ZBTB10: variants seen among roughly 807,000 people sequenced by gnomAD.
The protein encoded by ZBTB10 is zinc finger and BTB domain containing 10, also known as zinc finger and BTB domain-containing protein 10.
A neutral mutation model predicts 76.4 loss-of-function variants in ZBTB10; 32 were observed. The observed-to-expected ratio is 0.42, with a 90% confidence interval of 0.32 to 0.56. The LOEUF is 0.56. Ranked by LOEUF, ZBTB10 falls within the 20% of genes least tolerant of loss-of-function variation. ZBTB10 has a pLI of 0.14. For missense variants in ZBTB10, 1,057 were observed against 1,098.5 expected, an observed-to-expected ratio of 0.96 and a Z score of 0.53; for synonymous variants, 523 against 432.9, an observed-to-expected ratio of 1.21 and a Z score of -2.58.
At chr8:80,505,327 A>G (rs1198614449) in intron 2 of ZBTB10, among the ~76,000 whole-genome samples, 1 of 152,212 alleles carries the variant, frequency 6.6e-6, no homozygotes, top group Non-Finnish European at 1.5e-5. Flanking sequence ...TATGTAGTTG[A>G]CACCAAGTAA....
rs1816460894 is a variant in ZBTB10 at position 80,522,121 on chromosome 8, G to C, written c.*2593G>C. 1 of 151,666 alleles carries C rather than the reference G, an allele frequency of 6.6e-6. No individual in the cohort carries two copies. The highest frequency in any genetic ancestry group is 6.6e-5 in the Admixed American group (1 of 15,206). 9.4% of individuals were successfully genotyped at this position (151,666 alleles called of 1,614,324 possible). On this transcript the variant is annotated 3_prime_UTR_variant, in exon 6 of 6. Coordinates refer to ENST00000455036, the MANE Select transcript of ZBTB10 (RefSeq NM_001105539.3). ...TCGAGGGACTGCCTTTTCCCATCTA[G>C]ATCTTTTAAAAAAATAGTTTTAGTA...
chr8:80,498,764 A>T (rs1472382170), intron 1 of ZBTB10, among the ~76,000 whole-genome samples: 1 of 152,246 alleles, frequency 6.6e-6, no homozygotes, highest in East Asian at 1.9e-4. Flanking sequence ...GCCAAGTAGA[A>T]CTATAATGAA....
chr8:80,497,295 A>G (rs1488737981), intron 1 of ZBTB10, among the ~76,000 whole-genome samples: 1 of 152,158 alleles, frequency 6.6e-6, no homozygotes, highest in Non-Finnish European at 1.5e-5. Context: ...TAGGTTAAAT[A>G]AGTCTCATTA....
rs765102856 is a variant in ZBTB10 at position 80,524,578 on chromosome 8, C to A, written c.*5050C>A. 1 of 151,994 alleles carries A rather than the reference C, an allele frequency of 6.6e-6. No homozygotes were observed. Among genetic ancestry groups the A allele is most frequent in the Admixed American group, 6.6e-5 (1 of 15,226 alleles). The allele number at this position is 151,994 out of a possible 1,614,324, so 9.4% of individuals were successfully genotyped here. A position where few individuals can be genotyped will look rare whatever the true frequency, so the allele number is the denominator to read the frequency against. ...AAGTTAGTAATAGAGCAAAGGAAAT[C>A]AGAACTGGCCAGATATTCAGACTTG... On this transcript the variant is annotated 3_prime_UTR_variant, in exon 6 of 6. Transcript: ENST00000455036.
intron 1 of ZBTB10, among the ~76,000 whole-genome samples, chr8:80,495,763 G>A (rs1012895311): frequency 1.5e-4 from 23 of 151,992 alleles, no homozygotes; most frequent in African/African-American, 5.6e-4. Flanking sequence ...CCTATGTTCT[G>A]GAAATATTGA....
At position 80,499,939 on chromosome 8, in the gene ZBTB10, A is replaced by G; in HGVS notation, c.1418A>G (p.Glu473Gly). The stretch of plus-strand genomic sequence containing the variant: ...ATAAGCATTAAATCAGAAGCTCCAG[A>G]GTCTGTAGTTGTGGACTATAATAAT... Reference protein sequence around the residue: ...LNISIKSEAPESVVVDYNNRK... With the variant: ...LNISIKSEAPGSVVVDYNNRK... Residue 473 changes from glutamate (E) to glycine (G), a missense_variant, in exon 2 of 6, where the codon GAG (glutamate) becomes GGG (glycine). Physicochemically the swap from Glu to Gly is moderately conservative, Grantham distance 98. This residue lies in a region of ZBTB10 where 306 missense variants were observed against 297.5 expected (regional missense o/e 1.03). Coordinates refer to ENST00000455036, the MANE Select transcript of ZBTB10 (RefSeq NM_001105539.3). 1 of 1,613,948 alleles carries G rather than the reference A, an allele frequency of 6.2e-7. No homozygotes were observed. The highest frequency in any genetic ancestry group is 8.5e-7 in the Non-Finnish European group (1 of 1,179,878).
chr8:80,513,329 G>A (rs1186955648), intron 2 of ZBTB10, among the ~76,000 whole-genome samples: 1 of 151,990 alleles, frequency 6.6e-6, no homozygotes, highest in Non-Finnish European at 1.5e-5. Context: ...TTTTTGTAGA[G>A]GTGTGGTTTT....
rs552059193 is a variant in ZBTB10, at chr8:80,486,453, C to T, written c.-358C>T. ...AAAGAGGGGGCAGCGGAGGGTCTCC[C>T]CGCACTCCGCTGCTCAACTTCGAAG... On this transcript the variant is annotated 5_prime_UTR_variant, in exon 1 of 6. Coordinates refer to ENST00000455036, the MANE Select transcript of ZBTB10 (RefSeq NM_001105539.3). 49 of 985,034 alleles carry T rather than the reference C, an allele frequency of 5.0e-5. No homozygotes were observed. The South Asian group carries it at 1.3e-3, about 25-fold the overall frequency. The allele number at this position is 985,034 out of a possible 1,614,324, so 61.0% of individuals were successfully genotyped here. A position where few individuals can be genotyped will look rare whatever the true frequency, so the allele number is the denominator to read the frequency against.
In ZBTB10 at chr8:80,519,415, G is replaced by T; in HGVS notation, c.2503G>T (p.Glu835Ter). 6.2e-7 allele frequency: 1 copy of T among 1,612,720 alleles called. No individual in the cohort carries two copies. The highest frequency in any genetic ancestry group is 8.5e-7 in the Non-Finnish European group (1 of 1,179,420). Residue 835 changes from glutamate to a stop codon, truncating the protein, a stop_gained, in exon 6 of 6, where the codon GAG becomes TAG. Coordinates refer to ENST00000455036, the MANE Select transcript of ZBTB10 (RefSeq NM_001105539.3). LOFTEE classifies it high-confidence loss of function. ...AGAATTCCCTCGGGATGAAGAATAC[G>T]AGGAGAATGAAGTAGGAGAAGCTGA... The part of the protein sequence containing the change: ...DTEFPRDEEY[E>*]ENEVGEADEE...
At position 80,487,095 on chromosome 8, in the gene ZBTB10, G is replaced by T; in HGVS notation, c.285G>T (p.Leu95=). 6.6e-7 allele frequency: 1 copy of T among 1,519,164 alleles called. No individual in the cohort carries two copies. The allele number at this position is 1,519,164 out of a possible 1,614,324, so 94.1% of individuals were successfully genotyped here. Residue 95 remains leucine (L), a synonymous_variant, in exon 1 of 6, where the codon CTG becomes CTT. Coordinates refer to ENST00000455036, the MANE Select transcript of ZBTB10 (RefSeq NM_001105539.3). ...AGAAEEAKEL[L]LPQDAGGPTS... Reference sequence around the variant, plus strand: ...CCGCCGAGGAAGCCAAGGAGTTGCTGCTCCCCCAAGACGCGGGCGGCCCCA... The same window carrying T: ...CCGCCGAGGAAGCCAAGGAGTTGCTTCTCCCCCAAGACGCGGGCGGCCCCA...
intron 1 of ZBTB10, among the ~76,000 whole-genome samples, chr8:80,488,874 ACTTAC>A (rs1158258199): frequency 6.6e-6 from 1 of 152,158 alleles, no homozygotes; most frequent in Non-Finnish European, 1.5e-5. Flanking sequence ...CGTTCAGCAC[ACTTAC>A]CCTGGGGTTA....
Position 80,500,103 on chromosome 8 carries a change from A to G in ZBTB10, c.1582A>G (p.Ile528Val), listed in dbSNP as rs1815884314. ...NDGCNVDEGQ[I>V]ENYQMNDSSW... ...TGGTTGTAATGTCGACGAGGGCCAA[A>G]TAGAAAACTACCAAATGAATGACAG... is the stretch of plus-strand genomic sequence containing the variant. The change falls in exon 2 of 6, where the codon ATA becomes GTA. Residue 528 changes from isoleucine (I) to valine (V), a missense_variant. Physicochemically the swap from Ile to Val is conservative, Grantham distance 29. Coordinates refer to ENST00000455036, the MANE Select transcript of ZBTB10 (RefSeq NM_001105539.3). The G allele has an allele frequency of 6.2e-7, 1 of 1,613,882 alleles. No individual in the cohort carries two copies.
In ZBTB10 at chr8:80,486,378, G is replaced by C; in HGVS notation, c.-433G>C. 3 of 990,914 alleles carry C rather than the reference G, an allele frequency of 3.0e-6. No homozygotes were observed. Among genetic ancestry groups the C allele is most frequent in the Non-Finnish European group, 3.6e-6 (3 of 834,290 alleles). The allele number at this position is 990,914 out of a possible 1,614,324, so 61.4% of individuals were successfully genotyped here. A position where few individuals can be genotyped will look rare whatever the true frequency, so the allele number is the denominator to read the frequency against. ...CGGCGGCGTCGGGACTCCTCGGCGC[G>C]CGGAGGAAGGATATCTGTGTGGAGG... On this transcript the variant is annotated 5_prime_UTR_variant, in exon 1 of 6. Coordinates refer to ENST00000455036, the MANE Select transcript of ZBTB10 (RefSeq NM_001105539.3).
chr8:80,497,114 G>A lies in ZBTB10; in HGVS notation c.973-2380G>A, dbSNP rs527913849. Among the ~76,000 whole-genome samples, 18 of 152,294 alleles carry A rather than the reference G, an allele frequency of 1.2e-4. No homozygotes were observed. In the East Asian group the frequency reaches 3.5e-3, roughly 29 times the overall value. On this transcript the variant is annotated intron_variant, in intron 1 of 5. Coordinates refer to ENST00000455036, the MANE Select transcript of ZBTB10 (RefSeq NM_001105539.3). ...TTTTGTGGAAAGTTACACTGTCCAA[G>A]TAATTGTTACAGGTGTTTTTAGTAT...
intron 2 of ZBTB10, among the ~76,000 whole-genome samples, chr8:80,513,038 C>T (rs998325685): frequency 1.3e-5 from 2 of 152,070 alleles, no homozygotes; most frequent in African/African-American, 4.8e-5. Context: ...TTTTTTGTAA[C>T]TCATTAAATG....
At position 80,487,240 on chromosome 8, in the gene ZBTB10, G is replaced by C; in HGVS notation, c.430G>C (p.Glu144Gln). The change falls in exon 1 of 6, where the codon GAG (glutamate) becomes CAG (glutamine). Residue 144 changes from glutamate to glutamine, a missense_variant. Glu to Gln is a conservative substitution (Grantham distance 29). This residue lies in a region of ZBTB10 where 556 missense variants were observed against 451.7 expected (regional missense o/e 1.23). Transcript: ENST00000455036. ...CAATGGCAGTAGCCGCGGCCGCCCC[G>C]AGACCTCGGTGTGGCCCTTGAGGCA... The part of the protein sequence containing the change: ...GNNGSSRGRP[E>Q]TSVWPLRHFN... 6.5e-7 allele frequency: 1 copy of C among 1,549,082 alleles called. No homozygotes were observed. Among genetic ancestry groups the C allele is most frequent in the South Asian group, 1.2e-5 (1 of 84,188 alleles).
At chr8:80,508,405 T>C (rs981744930) in intron 2 of ZBTB10, among the ~76,000 whole-genome samples, 1 of 152,210 alleles carries the variant, frequency 6.6e-6, no homozygotes, top group African/African-American at 2.4e-5. Context: ...CCACATATAA[T>C]AGGAAATTTG....
At chr8:80,513,819 T>C in intron 2 of ZBTB10, 91 bp from the exon 3 acceptor site, 2 of 1,018,666 alleles carry the variant, frequency 2.0e-6, no homozygotes, top group Non-Finnish European at 3.0e-6. Flanking sequence ...ATGGTACTTT[T>C]TATTTAAGAA....
rs1438573757 is a variant in ZBTB10 at position 80,487,033 on chromosome 8, C to G, written c.223C>G (p.Gln75Glu). 2.6e-6 allele frequency: 4 copies of G among 1,520,622 alleles called. No individual in the cohort carries two copies. Among genetic ancestry groups the G allele is most frequent in the East Asian group, 2.6e-5 (1 of 38,218 alleles). 94.2% of individuals were successfully genotyped at this position (1,520,622 alleles called of 1,614,324 possible). Reference sequence around the variant, plus strand: ...AGTGGAATTGGAGGGCCTGGAGCCCCAAGACCTGGAGGCCTCCGCCGGGCC... The same window carrying G: ...AGTGGAATTGGAGGGCCTGGAGCCCGAAGACCTGGAGGCCTCCGCCGGGCC... ...EEVELEGLEP[Q>E]DLEASAGPAA... Residue 75 changes from glutamine to glutamate, a missense_variant, in exon 1 of 6, where the codon CAA (glutamine) becomes GAA (glutamate). Transcript: ENST00000455036.
Sources: allele counts gnomAD v4.1 joint callset (sites outside exome capture counted in the v4.1 genomes callset), GRCh38; gene constraint gnomAD v4.1.1; regional missense constraint gnomAD v4.1.1; transcripts MANE v1.5; gene names NCBI Gene and HGNC (gene_info 2026-07-23, HGNC 2026-07-21).